Variants in NR2F1-AS1 observed in about 807,000 individuals in gnomAD.
The protein encoded by NR2F1-AS1 is NR2F1 antisense RNA 1.
At chr5:93,531,416 G>A (rs1751734469) in intron 4 of NR2F1-AS1, among the ~76,000 whole-genome samples, 1 of 152,200 alleles carries the variant, frequency 6.6e-6, no homozygotes, top group Non-Finnish European at 1.5e-5. Context: ...TAGTACAGAT[G>A]AAATAACGAA....
intron 1 of NR2F1-AS1, among the ~76,000 whole-genome samples, chr5:93,577,871 C>T (rs970773836): frequency 6.6e-6 from 1 of 152,070 alleles, no homozygotes; most frequent in Non-Finnish European, 1.5e-5. Flanking sequence ...AGAATAATAC[C>T]ATTTTTAACG....
intron 1 of NR2F1-AS1, among the ~76,000 whole-genome samples, chr5:93,580,123 G>C (rs1034855456): frequency 6.6e-6 from 1 of 152,236 alleles, no homozygotes; most frequent in Non-Finnish European, 1.5e-5. Context: ...AAACGTGCGG[G>C]TCCCCGTCCT....
intron 4 of NR2F1-AS1, among the ~76,000 whole-genome samples, chr5:93,468,189 C>T (rs1420647537): frequency 6.6e-6 from 1 of 152,166 alleles, no homozygotes; most frequent in Non-Finnish European, 1.5e-5. Flanking sequence ...ATGGCTGGGT[C>T]AAATGGTATT....
chr5:93,492,735 T>G (rs550177326), intron 4 of NR2F1-AS1, among the ~76,000 whole-genome samples: 2 of 151,978 alleles, frequency 1.3e-5, no homozygotes, highest in African/African-American at 4.8e-5. Flanking sequence ...GTTGAACATA[T>G]GAAAATCAAT....
chr5:93,585,356 G>A (rs752897107), upstream of NR2F1-AS1: 61 of 1,613,912 alleles, frequency 3.8e-5, 2 homozygotes, highest in Non-Finnish European at 1.7e-6. Context: ...GTTTCTTCAA[G>A]AGGAGCGTCC....
intron 4 of NR2F1-AS1, among the ~76,000 whole-genome samples, chr5:93,525,366 T>C (rs956592862): frequency 6.6e-6 from 1 of 152,094 alleles, no homozygotes; most frequent in Admixed American, 6.5e-5. Context: ...TAAAGCAAGT[T>C]CTTAGAGACC....
chr5:93,483,753 T>C (rs1750652854), intron 4 of NR2F1-AS1, among the ~76,000 whole-genome samples: 2 of 152,140 alleles, frequency 1.3e-5, no homozygotes, highest in African/African-American at 4.8e-5. Context: ...GAGAAGAACA[T>C]AAATGACCTG....
intron 4 of NR2F1-AS1, among the ~76,000 whole-genome samples, chr5:93,474,633 G>A: frequency 6.6e-6 from 1 of 152,162 alleles, no homozygotes; most frequent in Non-Finnish European, 1.5e-5. Flanking sequence ...TCACATGACA[G>A]AAGGGGCAAA....
intron 4 of NR2F1-AS1, among the ~76,000 whole-genome samples, chr5:93,495,298 T>A (rs1221653354): frequency 6.6e-6 from 1 of 152,190 alleles, no homozygotes; most frequent in Non-Finnish European, 1.5e-5. Flanking sequence ...CATACTTTAT[T>A]CTGTTTTATT....
intron 4 of NR2F1-AS1, among the ~76,000 whole-genome samples, chr5:93,529,284 C>T (rs1751685204): frequency 6.6e-6 from 1 of 152,030 alleles, no homozygotes; most frequent in South Asian, 2.1e-4. Context: ...AAATTACTGG[C>T]AATTGTACTG....
At chr5:93,562,029 GA>G (rs893880683) in intron 2 of NR2F1-AS1, among the ~76,000 whole-genome samples, 7 of 151,376 alleles carry the variant, frequency 4.6e-5, no homozygotes, top group Admixed American at 3.3e-4. Flanking sequence ...AAAACTCTAA[GA>G]TTTTTTTTAA....
At chr5:93,430,645 C>T (rs552844337) in intron 4 of NR2F1-AS1, among the ~76,000 whole-genome samples, 136 of 151,936 alleles carry the variant, frequency 9.0e-4, no homozygotes, top group Non-Finnish European at 1.5e-3. Context: ...CTTATTATGC[C>T]GAAAGAAGAA....
intron 1 of NR2F1-AS1, among the ~76,000 whole-genome samples, chr5:93,565,500 T>C (rs1207963154): frequency 1.3e-5 from 2 of 152,212 alleles, no homozygotes; most frequent in Non-Finnish European, 2.9e-5. Context: ...CTGCCAAATT[T>C]AGGATAATTA....
intron 4 of NR2F1-AS1, among the ~76,000 whole-genome samples, chr5:93,440,499 C>T (rs1316534847): frequency 6.6e-6 from 1 of 152,170 alleles, no homozygotes; most frequent in African/African-American, 2.4e-5. Flanking sequence ...TTTCTCCCGC[C>T]TTCAGACTTG....
intron 4 of NR2F1-AS1, among the ~76,000 whole-genome samples, chr5:93,548,076 C>T (rs903529122): frequency 6.6e-6 from 1 of 152,078 alleles, no homozygotes; most frequent in Non-Finnish European, 1.5e-5. Flanking sequence ...CTTAGAAAAG[C>T]AAAAACCAGA....
At chr5:93,513,248 A>G (rs934710053) in intron 4 of NR2F1-AS1, among the ~76,000 whole-genome samples, 10 of 152,184 alleles carry the variant, frequency 6.6e-5, no homozygotes, top group African/African-American at 2.4e-4. Flanking sequence ...TGTGGAAAGC[A>G]GTTTGGAGAC....
At chr5:93,496,778 A>G (rs1750968881) in intron 4 of NR2F1-AS1, among the ~76,000 whole-genome samples, 1 of 152,174 alleles carries the variant, frequency 6.6e-6, no homozygotes. Flanking sequence ...AAGCATAACA[A>G]CTTTTCTCCT....
chr5:93,423,844 C>A (rs911526465), intron 4 of NR2F1-AS1, among the ~76,000 whole-genome samples: 30 of 152,142 alleles, frequency 2.0e-4, no homozygotes, highest in African/African-American at 6.3e-4. Flanking sequence ...TGGCTCACCC[C>A]TCCATCTTAA....
intron 4 of NR2F1-AS1, among the ~76,000 whole-genome samples, chr5:93,475,337 T>C (rs1230138895): frequency 2.0e-5 from 3 of 151,986 alleles, no homozygotes; most frequent in Admixed American, 1.3e-4. Flanking sequence ...CCTCTAGAAA[T>C]AGATGAGAAG....
Sources: gnomAD v4.1 joint callset for allele counts (sites outside exome capture counted in the v4.1 genomes callset) on GRCh38, gnomAD v4.1.1 for gene constraint, MANE v1.5 for transcripts, NCBI Gene and HGNC (gene_info 2026-07-23, HGNC 2026-07-21) for gene names.